The following STAU2 variants were observed in gnomAD, a reference collection of about 807,000 sequenced individuals.
The protein encoded by STAU2 is staufen double-stranded RNA binding protein 2, also known as double-stranded RNA-binding protein Staufen homolog 2.
In STAU2, 20 loss-of-function variants were observed where a neutral mutation model predicts 65.9. The ratio of observed to expected loss-of-function variants is 0.30; its 90% CI spans 0.21 to 0.44. The LOEUF (loss-of-function observed/expected upper bound fraction) is 0.44. Ranked by LOEUF, STAU2 falls within the 20% of genes least tolerant of loss-of-function variation. The pLI is 1.00. For synonymous variants in STAU2, 232 were observed against 233.9 expected (o/e 0.99, Z 0.07); for missense variants, 558 against 683.9 (o/e 0.82, Z 2.05).
intron 13 of STAU2, among the ~76,000 whole-genome samples, chr8:73,541,349 C>T (rs769727577): frequency 6.6e-6 from 1 of 152,234 alleles, no homozygotes; most frequent in African/African-American, 2.4e-5. Context: ...AGAGAAAATG[C>T]TGCAGTTATA....
chr8:73,746,884 G>A (rs965310818), upstream of STAU2: 1 of 870,274 alleles, frequency 1.1e-6, no homozygotes, highest in East Asian at 4.0e-5. Flanking sequence ...CGGGCTCCCC[G>A]CCCCCCGCCT....
intron 4 of STAU2, among the ~76,000 whole-genome samples, chr8:73,699,533 G>C (rs1444466094): frequency 6.6e-6 from 1 of 151,908 alleles, no homozygotes; most frequent in Non-Finnish European, 1.5e-5. Flanking sequence ...AGTGACTACC[G>C]TGAGCAACTA....
intron 12 of STAU2, among the ~76,000 whole-genome samples, chr8:73,565,865 T>C (rs1808565222): frequency 6.6e-6 from 1 of 152,220 alleles, no homozygotes; most frequent in African/African-American, 2.4e-5. Flanking sequence ...CAGCCTATGA[T>C]AAAACTGATT....
Position 73,742,629 on chromosome 8 carries a change from T to C in STAU2, c.-196-2761A>G, listed in dbSNP as rs574675774. Among the ~76,000 whole-genome samples, 10 of 152,056 alleles carry C rather than the reference T, an allele frequency of 6.6e-5. No homozygotes were observed. The South Asian group carries it at 1.5e-3, about 22-fold the overall frequency. On this transcript the variant is annotated intron_variant, in intron 1 of 14. Transcript: ENST00000524300. ...ACAACTAAGCGCTTTTAGAGAAATG[T>C]ATCCATGCGTCCCAAAAATGCCCTA...
At chr8:73,601,384 A>G (rs1349617149) in intron 10 of STAU2, among the ~76,000 whole-genome samples, 1 of 152,226 alleles carries the variant, frequency 6.6e-6, no homozygotes, top group Non-Finnish European at 1.5e-5. Flanking sequence ...AAAAGCTTTA[A>G]GAAATCTGCT....
chr8:73,518,731 A>G (rs1432861576), intron 13 of STAU2, among the ~76,000 whole-genome samples: 4 of 152,180 alleles, frequency 2.6e-5, no homozygotes, highest in Non-Finnish European at 5.9e-5. Context: ...TATTATTTAG[A>G]TAGAATAATA....
At chr8:73,674,427 CAAGT>C (rs1817894732) in intron 5 of STAU2, among the ~76,000 whole-genome samples, 1 of 151,714 alleles carries the variant, frequency 6.6e-6, no homozygotes, top group East Asian at 1.9e-4. Flanking sequence ...TTGTTAGTAA[CAAGT>C]AATATGCTTT....
At chr8:73,610,646 C>CAAATCTT (rs1261260840) in intron 9 of STAU2, among the ~76,000 whole-genome samples, 1 of 151,824 alleles carries the variant, frequency 6.6e-6, no homozygotes, top group African/African-American at 2.4e-5. Flanking sequence ...CCTTGGACAG[C>CAAATCTT]AAATCTTAAA....
intron 13 of STAU2, among the ~76,000 whole-genome samples, chr8:73,539,758 G>A (rs575721611): frequency 8.2e-4 from 124 of 151,636 alleles, no homozygotes; most frequent in Non-Finnish European, 1.3e-3. Context: ...CAAGATAATC[G>A]CTTGAACCTG....
At chr8:73,659,105 G>GACTCATA (rs1816627459) in intron 6 of STAU2, among the ~76,000 whole-genome samples, 1 of 151,948 alleles carries the variant, frequency 6.6e-6, no homozygotes, top group Non-Finnish European at 1.5e-5. Context: ...ATTCATAAAG[G>GACTCATA]AACCCTCCAA....
intron 13 of STAU2, among the ~76,000 whole-genome samples, chr8:73,450,326 T>G (rs372887062): frequency 3.3e-5 from 5 of 152,306 alleles, no homozygotes; most frequent in African/African-American, 1.2e-4. Flanking sequence ...TGCACACATT[T>G]TTATCTTATG....
At chr8:73,441,838 C>T (rs1212040985) in intron 13 of STAU2, among the ~76,000 whole-genome samples, 2 of 152,148 alleles carry the variant, frequency 1.3e-5, no homozygotes, top group Non-Finnish European at 2.9e-5. Context: ...TTATGTGTCT[C>T]TAATGTATTT....
intron 6 of STAU2, among the ~76,000 whole-genome samples, chr8:73,620,770 T>C (rs1813167866): frequency 6.6e-6 from 1 of 152,210 alleles, no homozygotes; most frequent in Non-Finnish European, 1.5e-5. Flanking sequence ...ATGCCTGACT[T>C]ATTTCATTCT....
intron 13 of STAU2, among the ~76,000 whole-genome samples, chr8:73,515,281 C>T (rs1585911523): frequency 6.6e-6 from 1 of 152,156 alleles, no homozygotes; most frequent in East Asian, 1.9e-4. Flanking sequence ...CATGAGGTAG[C>T]AGCTATTTGC....
At chr8:73,432,339 A>T (rs1817362377) in intron 13 of STAU2, among the ~76,000 whole-genome samples, 2 of 152,218 alleles carry the variant, frequency 1.3e-5, no homozygotes, top group South Asian at 4.1e-4. Context: ...AAATGTCTTC[A>T]TCTGCAGTTG....
intron 12 of STAU2, among the ~76,000 whole-genome samples, chr8:73,554,275 C>G (rs1272056997): frequency 2.6e-5 from 4 of 152,214 alleles, no homozygotes; most frequent in Non-Finnish European, 5.9e-5. Flanking sequence ...AAAGCTGAAG[C>G]TTTTCAACAG....
At chr8:73,591,909 A>C (rs574620472) in intron 11 of STAU2, among the ~76,000 whole-genome samples, 13 of 141,166 alleles carry the variant, frequency 9.2e-5, no homozygotes, top group Admixed American at 1.4e-4. Flanking sequence ...AAAAAAAAAA[A>C]AAAAACAAGA....
intron 6 of STAU2, among the ~76,000 whole-genome samples, chr8:73,645,603 GA>G (rs1815311517): frequency 6.6e-6 from 1 of 152,194 alleles, no homozygotes; most frequent in Non-Finnish European, 1.5e-5. Flanking sequence ...GGTAAGAAAT[GA>G]AACACGTATT....
intron 9 of STAU2, among the ~76,000 whole-genome samples, chr8:73,604,526 C>G (rs1811872619): frequency 6.6e-6 from 1 of 152,014 alleles, no homozygotes; most frequent in African/African-American, 2.4e-5. Context: ...CCGCAGCACC[C>G]GGCCACAACA....
Sources: allele counts gnomAD v4.1 joint callset (sites outside exome capture counted in the v4.1 genomes callset), GRCh38; gene constraint gnomAD v4.1.1; transcripts MANE v1.5; gene names NCBI Gene and HGNC (gene_info 2026-07-23, HGNC 2026-07-21).